Variants in FGD6 observed in about 807,000 individuals in gnomAD.
FGD6 encodes the protein FYVE, RhoGEF and PH domain-containing protein 6.
Under a neutral mutation model 149.4 loss-of-function variants are expected in FGD6, and 90 were observed. The ratio of observed to expected loss-of-function variants is 0.60; its 90% confidence interval spans 0.51 to 0.72. FGD6 has a LOEUF of 0.72. Among genes scored for constraint, FGD6 ranks in the 30% least tolerant of loss-of-function variants. The pLI is 0.00. For missense variants in FGD6, 1,437 were observed against 1,684.8 expected (o/e 0.85, Z 2.57); for synonymous variants, 527 against 584.0 (o/e 0.90, Z 1.41).
At chr12:95,134,711 T>C (rs2136258080) in intron 8 of FGD6, 28 bp downstream of exon 8, 1 of 1,604,574 alleles carries the variant, frequency 6.2e-7, no homozygotes, top group Admixed American at 1.7e-5. Context: ...ACCAACTGGG[T>C]GGTTGGCAAA....
rs374271424 is a variant in FGD6 at position 95,106,240 on chromosome 12, G to A, written c.3417+714C>T. 2.0e-5 allele frequency among the ~76,000 whole-genome samples: 3 copies of A among 150,514 alleles called. No homozygotes were observed. In the South Asian group the frequency reaches 6.4e-4, roughly 32 times the overall value. On this transcript the variant is annotated intron_variant, in intron 13 of 20. Coordinates refer to ENST00000343958, the MANE Select transcript of FGD6 (RefSeq NM_018351.4). ...GCCTCCCAAAGTGCTGGGACTACAG[G>A]TGTGAGCCACTACGCCCAGCCTTTA...
chr12:95,190,414 C>T (rs1881555417), intron 2 of FGD6, among the ~76,000 whole-genome samples: 2 of 152,158 alleles, frequency 1.3e-5, no homozygotes, highest in African/African-American at 4.8e-5. Context: ...AGGTGATCTG[C>T]CTGCCTCGGC....
chr12:95,187,912 C>A (rs554974162), intron 2 of FGD6, among the ~76,000 whole-genome samples: 16 of 152,286 alleles, frequency 1.1e-4, no homozygotes, highest in Admixed American at 8.5e-4. Flanking sequence ...TCTCAATATT[C>A]TTTCTTATTT....
chr12:95,173,182 C>T (rs1042251008), intron 2 of FGD6, among the ~76,000 whole-genome samples: 2 of 152,108 alleles, frequency 1.3e-5, no homozygotes, highest in South Asian at 2.1e-4. Context: ...TATGAGGACT[C>T]GGGGGTAATA....
intron 8 of FGD6, among the ~76,000 whole-genome samples, chr12:95,116,400 C>T (rs545007370): frequency 2.6e-5 from 4 of 152,232 alleles, no homozygotes; most frequent in South Asian, 4.1e-4. Context: ...GGACTCATGG[C>T]GACTTCCTAG....
At chr12:95,149,819 CATT>C (rs1329291695) in intron 5 of FGD6, among the ~76,000 whole-genome samples, 3 of 144,088 alleles carry the variant, frequency 2.1e-5, no homozygotes, top group Admixed American at 7.2e-5. Flanking sequence ...TAATAGTAAT[CATT>C]ATATATAATA....
chr12:95,122,131 C>T (rs1879208982), intron 8 of FGD6, among the ~76,000 whole-genome samples: 1 of 152,064 alleles, frequency 6.6e-6, no homozygotes, highest in Non-Finnish European at 1.5e-5. Context: ...ATGTACATAT[C>T]CTATTTATTT....
At chr12:95,173,422 T>G (rs1222230000) in intron 2 of FGD6, among the ~76,000 whole-genome samples, 1 of 152,196 alleles carries the variant, frequency 6.6e-6, no homozygotes, top group Non-Finnish European at 1.5e-5. Context: ...TAAGCTTGTT[T>G]AATGCTTTCC....
chr12:95,194,180 C>T (rs1227340783), intron 2 of FGD6, among the ~76,000 whole-genome samples: 2 of 151,690 alleles, frequency 1.3e-5, no homozygotes, highest in Non-Finnish European at 2.9e-5. Flanking sequence ...CTTCCTTGGC[C>T]TCCCAAAGTG....
At chr12:95,168,850 G>T (rs907334664) in intron 3 of FGD6, among the ~76,000 whole-genome samples, 1 of 152,106 alleles carries the variant, frequency 6.6e-6, no homozygotes, top group African/African-American at 2.4e-5. Flanking sequence ...TAAGTAAGTT[G>T]TTCAAGATCA....
At chr12:95,141,254 C>A in intron 6 of FGD6, 134 bp downstream of exon 6, 1 of 942,106 alleles carries the variant, frequency 1.1e-6, no homozygotes, top group South Asian at 2.1e-5. Context: ...CAAAATCAAT[C>A]TATGGATAAC....
chr12:95,182,417 T>A (rs934727550), intron 2 of FGD6, among the ~76,000 whole-genome samples: 6 of 152,282 alleles, frequency 3.9e-5, no homozygotes, highest in Admixed American at 3.3e-4. Flanking sequence ...GCCAGGCTGG[T>A]GTCGGACTCC....
chr12:95,187,005 CT>C (rs1234156309), intron 2 of FGD6, among the ~76,000 whole-genome samples: 1 of 152,174 alleles, frequency 6.6e-6, no homozygotes, highest in Non-Finnish European at 1.5e-5. Context: ...CACTGTTTCT[CT>C]TGTATATACT....
intron 5 of FGD6, among the ~76,000 whole-genome samples, chr12:95,145,464 A>G (rs1879984356): frequency 6.6e-6 from 1 of 152,072 alleles, no homozygotes; most frequent in African/African-American, 2.4e-5. Context: ...GTGATGTATG[A>G]TCACCCTGGC....
intron 8 of FGD6, among the ~76,000 whole-genome samples, chr12:95,129,256 T>G (rs1879439488): frequency 6.6e-6 from 1 of 152,036 alleles, no homozygotes; most frequent in Non-Finnish European, 1.5e-5. Context: ...TTTAAACATT[T>G]ATTAATCCAT....
intron 2 of FGD6, among the ~76,000 whole-genome samples, chr12:95,194,768 T>G (rs1881695588): frequency 6.6e-6 from 1 of 152,078 alleles, no homozygotes; most frequent in Admixed American, 6.6e-5. Context: ...TCAGTGTGGA[T>G]TCTGTCAATG....
chr12:95,081,484 C>T lies in FGD6; in HGVS notation c.*36G>A, dbSNP rs1303012657. On this transcript the variant is annotated 3_prime_UTR_variant, in exon 21 of 21. Transcript: ENST00000343958. The stretch of plus-strand genomic sequence containing the variant: ...TTACTCCATTCTGATGAAATTCCAC[C>T]TCTTTGGAATCACAGAAGAGATGAA... The T allele has an allele frequency of 6.4e-7, 1 of 1,566,462 alleles. No individual in the cohort carries two copies.
chr12:95,199,024 C>G (rs1294183035), intron 2 of FGD6, among the ~76,000 whole-genome samples: 7 of 152,180 alleles, frequency 4.6e-5, no homozygotes, highest in Non-Finnish European at 1.0e-4. Flanking sequence ...TTCCTCACAG[C>G]GGTAACAACA....
chr12:95,177,034 G>T (rs1300468728), intron 2 of FGD6, among the ~76,000 whole-genome samples: 2 of 152,072 alleles, frequency 1.3e-5, no homozygotes, highest in African/African-American at 4.8e-5. Flanking sequence ...CACCATGTTG[G>T]CCAGGCTGGT....
Sources: gnomAD v4.1 joint callset for allele counts (sites outside exome capture counted in the v4.1 genomes callset) on GRCh38, gnomAD v4.1.1 for gene constraint, MANE v1.5 for transcripts, NCBI Gene and HGNC (gene_info 2026-07-23, HGNC 2026-07-21) for gene names.